FBXO31: variants seen among roughly 807,000 people sequenced by gnomAD.
The protein encoded by FBXO31 is F-box only protein 31.
Under a neutral mutation model 54.4 loss-of-function variants are expected in FBXO31, and 24 were observed. The observed-to-expected ratio is 0.44, with a 90% CI of 0.32 to 0.62. The LOEUF is 0.62. Among genes scored for constraint, FBXO31 ranks in the 20% least tolerant of loss-of-function variants. FBXO31 has a pLI of 0.05. For synonymous variants in FBXO31, 388 were observed against 335.6 expected (o/e 1.16, Z -1.71); for missense variants, 665 against 787.1 (o/e 0.84, Z 1.86).
intron 1 of FBXO31, among the ~76,000 whole-genome samples, chr16:87,362,972 G>C (rs908350947): frequency 6.6e-6 from 1 of 152,224 alleles, no homozygotes; most frequent in African/African-American, 2.4e-5. Flanking sequence ...CCTTCAGTCA[G>C]GGCCAGGGAT....
In FBXO31 at chr16:87,338,345, C is replaced by T. The variant is rs777784006; in HGVS notation, c.733-2081G>A. ...GTACTCGCGACCCTCGTGGCAGCGCCGGCAGAGGGGGCTGAGGGTGACAAG... is the reference window on the plus strand; with the variant it reads ...GTACTCGCGACCCTCGTGGCAGCGCTGGCAGAGGGGGCTGAGGGTGACAAG... On this transcript the variant is annotated intron_variant, in intron 5 of 8. Transcript: ENST00000311635. The surrounding 1 kb of genome is among the most constrained non-coding windows in gnomAD (Gnocchi z 4.3). Among the ~76,000 whole-genome samples the T allele has an allele frequency of 1.1e-4, 17 of 152,134 alleles. No homozygotes were observed. The highest frequency in any genetic ancestry group is 1.8e-4 in the Non-Finnish European group (12 of 68,014).
chr16:87,359,594 A>G (rs1016109367), intron 2 of FBXO31, among the ~76,000 whole-genome samples: 1 of 152,230 alleles, frequency 6.6e-6, no homozygotes, highest in Non-Finnish European at 1.5e-5. Context: ...GAAAAAGAAA[A>G]AAGAAAAGAA....
chr16:87,365,007 T>TTAAA (rs1209188805), intron 1 of FBXO31, among the ~76,000 whole-genome samples: 1 of 12,198 alleles, frequency 8.2e-5, no homozygotes, highest in African/African-American at 3.3e-4. Context: ...ACCCCGTCTC[T>TTAAA]TAAATATATA....
rs533262625 is a variant in FBXO31, at chr16:87,369,937, A to T, written c.341-9571T>A. On this transcript the variant is annotated intron_variant, in intron 1 of 8. Coordinates refer to ENST00000311635, the MANE Select transcript of FBXO31 (RefSeq NM_024735.5). ...AGGAACAAAACAGCCCAGTGACCTG[A>T]CCTGAGTCCAGCTACACTGAAGCTG... Among the ~76,000 whole-genome samples the T allele has an allele frequency of 2.6e-5, 4 of 152,350 alleles. No homozygotes were observed. The South Asian group carries it at 8.3e-4, about 32-fold the overall frequency.
chr16:87,363,393 T>A (rs1255858651), intron 1 of FBXO31, among the ~76,000 whole-genome samples: 8 of 151,932 alleles, frequency 5.3e-5, no homozygotes, highest in Admixed American at 2.0e-4. Context: ...TCAAAAAAAA[T>A]AAAAATAAAA....
intron 1 of FBXO31, among the ~76,000 whole-genome samples, chr16:87,364,269 C>T (rs780519415): frequency 3.9e-5 from 6 of 152,210 alleles, no homozygotes; most frequent in East Asian, 1.9e-4. Flanking sequence ...CCCAGGGAAA[C>T]GTGTCACCAG....
At chr16:87,348,978 C>T (rs1905521364) in intron 2 of FBXO31, among the ~76,000 whole-genome samples, 1 of 152,202 alleles carries the variant, frequency 6.6e-6, no homozygotes, top group South Asian at 2.1e-4. Flanking sequence ...CAGCAGGAGG[C>T]ACATAAGTCC....
chr16:87,365,272 G>A (rs1906318999), intron 1 of FBXO31, among the ~76,000 whole-genome samples: 1 of 151,398 alleles, frequency 6.6e-6, no homozygotes, highest in South Asian at 2.1e-4. Context: ...GAGCTCCCTG[G>A]CAAGGCAGTG....
chr16:87,371,402 G>A (rs888339901), intron 1 of FBXO31, among the ~76,000 whole-genome samples: 7 of 152,220 alleles, frequency 4.6e-5, no homozygotes, highest in Non-Finnish European at 8.8e-5. Flanking sequence ...CCTTCCCAAA[G>A]GGCACAAGCA....
chr16:87,336,411 G>A lies in FBXO31; in HGVS notation c.733-147C>T, dbSNP rs1905047851. 1.5e-6 allele frequency: 1 copy of A among 675,932 alleles called. No homozygotes were observed. The highest frequency in any genetic ancestry group is 2.6e-5 in the Admixed American group (1 of 38,652). 41.9% of individuals were successfully genotyped at this position (675,932 alleles called of 1,614,324 possible). A position where few individuals can be genotyped will look rare whatever the true frequency, so the allele number is the denominator to read the frequency against. On this transcript the variant is annotated intron_variant, in intron 5 of 8. Coordinates refer to ENST00000311635, the MANE Select transcript of FBXO31 (RefSeq NM_024735.5). This position sits in a 1 kb window ranked among gnomAD's most constrained non-coding sequence, Gnocchi z 6.5. ...CCTCTTGGTGGGGGAGGATGGACTT[G>A]GCGCTGGGAAGAGAAAGGGGAGCTG...
At chr16:87,337,826 A>T (rs67419920) in intron 5 of FBXO31, among the ~76,000 whole-genome samples, 2,119 of 55,542 alleles carry the variant, frequency 0.038, 16 homozygotes, top group Non-Finnish European at 0.056. Flanking sequence ...AACTTCTATT[A>T]AAAAAAAAAA....
chr16:87,359,756 G>A (rs1030093507), intron 2 of FBXO31, among the ~76,000 whole-genome samples: 2 of 152,230 alleles, frequency 1.3e-5, no homozygotes, highest in African/African-American at 2.4e-5. Flanking sequence ...ACAGCCTGGG[G>A]CCAAGGAGCC....
At chr16:87,386,877 G>T (rs926651553), upstream of FBXO31, among the ~76,000 whole-genome samples, 1 of 152,204 alleles carries the variant, frequency 6.6e-6, no homozygotes, top group Non-Finnish European at 1.5e-5. Context: ...ATAGAAGATG[G>T]TTGGTGATAT....
chr16:87,364,028 G>GGTGA (rs1375355672), intron 1 of FBXO31, among the ~76,000 whole-genome samples: 25 of 152,174 alleles, frequency 1.6e-4, no homozygotes, highest in Non-Finnish European at 1.2e-4. Flanking sequence ...GGGCTGGCGG[G>GGTGA]GTGAGAGCTG....
At chr16:87,381,603 C>T (rs570951295) in intron 1 of FBXO31, among the ~76,000 whole-genome samples, 4 of 152,324 alleles carry the variant, frequency 2.6e-5, no homozygotes, top group South Asian at 2.1e-4. Flanking sequence ...GAACTCTGTC[C>T]GGGAGGACTT....
intron 1 of FBXO31, among the ~76,000 whole-genome samples, chr16:87,365,660 T>G (rs942880620): frequency 2.0e-5 from 3 of 152,228 alleles, no homozygotes; most frequent in Non-Finnish European, 4.4e-5. Flanking sequence ...AACATGCATT[T>G]CCAAACAATT....
chr16:87,348,608 A>G (rs985659167), intron 2 of FBXO31, among the ~76,000 whole-genome samples: 8 of 152,168 alleles, frequency 5.3e-5, no homozygotes, highest in Admixed American at 4.6e-4. Context: ...ACACCTCCCC[A>G]TCACGGTCAC....
chr16:87,366,065 C>G (rs988245201), intron 1 of FBXO31, among the ~76,000 whole-genome samples: 1 of 152,062 alleles, frequency 6.6e-6, no homozygotes, highest in African/African-American at 2.4e-5. Context: ...AATCGGTCAA[C>G]GTCACCAAAA....
At chr16:87,351,966 AG>A (rs1905681137) in intron 2 of FBXO31, among the ~76,000 whole-genome samples, 1 of 152,178 alleles carries the variant, frequency 6.6e-6, no homozygotes, top group African/African-American at 2.4e-5. Flanking sequence ...CAGAATCACT[AG>A]GGACACGAGA....
Sources: gnomAD v4.1 joint callset for allele counts (sites outside exome capture counted in the v4.1 genomes callset) on GRCh38, gnomAD v4.1.1 for gene constraint, Gnocchi (gnomAD v3.1) non-coding constraint, MANE v1.5 for transcripts, NCBI Gene and HGNC (gene_info 2026-07-23, HGNC 2026-07-21) for gene names.